The following SUN3 variants were observed in gnomAD, a reference collection of about 807,000 sequenced individuals.
SUN3 encodes SUN domain-containing protein 3.
A neutral mutation model predicts 48.2 loss-of-function variants in SUN3; 36 were observed. That is an observed-to-expected ratio of 0.75 (90% confidence interval 0.57 to 0.99). The LOEUF (loss-of-function observed/expected upper bound fraction) is 0.99, where lower values mean the gene tolerates loss of function less well. Ranked by LOEUF, SUN3 falls within the 50% of genes least tolerant of loss-of-function variation. The pLI is 0.00. For missense variants in SUN3, 419 were observed against 433.1 expected (o/e 0.97, Z 0.29); for synonymous variants, 148 against 147.9 (o/e 1.00, Z 0.00).
chr7:48,035,651 G>A, the SUN3 span: 5 of 655,176 alleles, frequency 7.6e-6, no homozygotes, highest in East Asian at 1.1e-4. This position sits in a 1 kb window ranked among gnomAD's most constrained non-coding sequence, Gnocchi z 4.0. Flanking sequence ...GCGGGCTGGA[G>A]GACAATGGGG....
At chr7:48,030,779 G>A (rs556550403), upstream of SUN3, among the ~76,000 whole-genome samples, 5 of 152,176 alleles carry the variant, frequency 3.3e-5, no homozygotes, top group African/African-American at 9.7e-5. Flanking sequence ...ATACCCAGAG[G>A]AGGAACTTCT....
chr7:48,034,881 CA>C, the SUN3 span, among the ~76,000 whole-genome samples: 1 of 151,842 alleles, frequency 6.6e-6, no homozygotes, highest in Non-Finnish European at 1.5e-5. Flanking sequence ...GAAATATTCT[CA>C]AAAAATAAGA....
chr7:47,990,611 C>A (rs1223985311), intron 8 of SUN3, among the ~76,000 whole-genome samples: 1 of 152,106 alleles, frequency 6.6e-6, no homozygotes, highest in Admixed American at 6.5e-5. Context: ...GAAACGCCCA[C>A]AGGTGGGGAG....
In SUN3 at chr7:48,009,041, A is replaced by C. The variant is rs751489202; in HGVS notation, c.323T>G (p.Leu108Arg). The change falls in exon 4 of 10, where the codon CTT becomes CGT. Residue 108 changes from leucine to arginine, a missense_variant. Transcript: ENST00000297325. ...RLRMPKEQLELLKKESQNLEN... is the reference protein window; with the variant it reads ...RLRMPKEQLERLKKESQNLEN... ...AGCAAAAGATCGCACTCACTTTAAA[A>C]GTTCCAGTTGCTCTTTAGGCATACG... The C allele has an allele frequency of 3.7e-6, 6 of 1,612,504 alleles. No individual in the cohort carries two copies. Among genetic ancestry groups the C allele is most frequent in the Admixed American group, 1.7e-5 (1 of 59,818 alleles).
chr7:48,009,512 T>G (rs147700209), intron 3 of SUN3, among the ~76,000 whole-genome samples: 2,124 of 152,272 alleles, frequency 0.014, 32 homozygotes, highest in Non-Finnish European at 0.016. Flanking sequence ...GCTGAGCTCT[T>G]TGGGCTTGTC....
rs547582665 is a variant in SUN3 at position 48,025,202 on chromosome 7, T to A, written c.184+675A>T. Among the ~76,000 whole-genome samples the A allele has an allele frequency of 2.0e-5, 3 of 152,268 alleles. No individual in the cohort carries two copies. In the East Asian group the frequency reaches 5.8e-4, roughly 29 times the overall value. On this transcript the variant is annotated intron_variant, in intron 2 of 9. Transcript: ENST00000297325. ...GGATAAACAAAATGAGGTATATACA[T>A]ACAATGAAATATTATTTAGCTACAA...
At chr7:48,025,103 A>C (rs975619665) in intron 2 of SUN3, among the ~76,000 whole-genome samples, 1 of 152,178 alleles carries the variant, frequency 6.6e-6, no homozygotes, top group African/African-American at 2.4e-5. Flanking sequence ...GCACACATAC[A>C]CACTTATGCA....
chr7:48,024,492 TA>T (rs138692431), intron 2 of SUN3, among the ~76,000 whole-genome samples: 7 of 151,210 alleles, frequency 4.6e-5, no homozygotes, highest in East Asian at 1.9e-4. Context: ...GGCTGTAATT[TA>T]AAAAAAAAGG....
intron 4 of SUN3, 47 bp from the exon 5 acceptor site, chr7:48,007,374 C>A (rs1204616774): frequency 1.3e-6 from 2 of 1,566,536 alleles, no homozygotes; most frequent in East Asian, 4.5e-5. Flanking sequence ...TGTAAAGCTC[C>A]TGTTATCAGC....
intron 4 of SUN3, 152 bp downstream of exon 4, chr7:48,008,883 A>G: frequency 4.6e-6 from 3 of 654,210 alleles, no homozygotes; most frequent in Non-Finnish European, 7.8e-6. Context: ...GCTAGGAATG[A>G]TATCATTAAA....
intron 3 of SUN3, among the ~76,000 whole-genome samples, chr7:48,013,505 T>A (rs1481880354): frequency 6.6e-6 from 1 of 152,158 alleles, no homozygotes; most frequent in Non-Finnish European, 1.5e-5. Flanking sequence ...TCTTTACTTA[T>A]TTTTCTTTTA....
intron 3 of SUN3, among the ~76,000 whole-genome samples, chr7:48,016,211 C>G (rs966612275): frequency 6.6e-6 from 1 of 152,160 alleles, no homozygotes; most frequent in Non-Finnish European, 1.5e-5. Context: ...TGACTCTCTA[C>G]GATTCCATCT....
intron 8 of SUN3, among the ~76,000 whole-genome samples, chr7:47,991,597 AAAAC>A (rs1175227322): frequency 8.0e-5 from 4 of 50,238 alleles, no homozygotes; most frequent in Admixed American, 7.2e-4. Flanking sequence ...GTAAAACCAA[AAAAC>A]AAAACAAAAC....
chr7:48,023,096 A>T (rs912911888), intron 2 of SUN3, among the ~76,000 whole-genome samples: 1 of 152,120 alleles, frequency 6.6e-6, no homozygotes, highest in Non-Finnish European at 1.5e-5. Context: ...GGTAACAGAG[A>T]GGTAAATATG....
intron 2 of SUN3, among the ~76,000 whole-genome samples, chr7:48,019,784 A>C (rs1055743968): frequency 1.3e-5 from 2 of 152,002 alleles, no homozygotes; most frequent in Non-Finnish European, 2.9e-5. Context: ...GATCGAAGCC[A>C]TAATAAAAAA....
chr7:48,021,624 A>G (rs1378433607), intron 2 of SUN3, among the ~76,000 whole-genome samples: 2 of 152,202 alleles, frequency 1.3e-5, no homozygotes, highest in South Asian at 2.1e-4. Flanking sequence ...TCAAATAAAC[A>G]TCTCTCAAAA....
At position 48,028,801 on chromosome 7, in the gene SUN3, T is replaced by C; in HGVS notation, c.122+16A>G. On this transcript the variant is annotated intron_variant, in intron 1 of 9. Coordinates refer to ENST00000297325, the MANE Select transcript of SUN3 (RefSeq NM_001030019.2). The stretch of plus-strand genomic sequence containing the variant: ...ACCTACAATTTCAGGCACACCGTTC[T>C]GCCATGTTTACCTACCCATTCGCAT... 1 of 1,612,968 alleles carries C rather than the reference T, an allele frequency of 6.2e-7. No individual in the cohort carries two copies.
chr7:47,994,587 C>G, intron 7 of SUN3, 105 bp from the exon 8 acceptor site: 1 of 1,235,922 alleles, frequency 8.1e-7, no homozygotes. Flanking sequence ...TTATGCCTAT[C>G]AAATAGGAAA....
intron 6 of SUN3, among the ~76,000 whole-genome samples, chr7:48,002,278 G>T (rs1477220670): frequency 3.7e-5 from 5 of 136,980 alleles, no homozygotes; most frequent in Admixed American, 2.9e-4. Flanking sequence ...TCCTGCCTCA[G>T]CCTCCCGAGT....
Sources: allele counts gnomAD v4.1 joint callset (sites outside exome capture counted in the v4.1 genomes callset), GRCh38; gene constraint gnomAD v4.1.1; non-coding constraint Gnocchi (gnomAD v3.1); transcripts MANE v1.5; gene names NCBI Gene and HGNC (gene_info 2026-07-23, HGNC 2026-07-21).